Variants in DCLK2 observed in about 807,000 individuals in gnomAD.
DCLK2 encodes doublecortin like kinase 2, also known as serine/threonine-protein kinase DCLK2.
A neutral mutation model predicts 78.4 loss-of-function variants in DCLK2; 31 were observed. The observed-to-expected ratio is 0.40, with a 90% CI of 0.30 to 0.53. DCLK2 has a LOEUF of 0.53. Among genes scored for constraint, DCLK2 ranks in the 20% least tolerant of loss-of-function variants. DCLK2 has a pLI of 0.61. For synonymous variants in DCLK2, 407 were observed against 374.9 expected, an observed-to-expected ratio of 1.09 and a Z score of -0.99; for missense variants, 872 against 973.7, an observed-to-expected ratio of 0.90 and a Z score of 1.39.
At chr4:150,132,450 C>T (rs1382703341) in intron 2 of DCLK2, among the ~76,000 whole-genome samples, 1 of 152,228 alleles carries the variant, frequency 6.6e-6, no homozygotes, top group Non-Finnish European at 1.5e-5. Flanking sequence ...GATTAGAGAG[C>T]TTTCAATGCC....
At chr4:150,110,916 T>C (rs755262746) in intron 2 of DCLK2, among the ~76,000 whole-genome samples, 3 of 152,214 alleles carry the variant, frequency 2.0e-5, no homozygotes, top group Non-Finnish European at 2.9e-5. Flanking sequence ...TCCATGTCTT[T>C]GCAATTGTGA....
At chr4:150,144,570 T>G (rs181754297) in intron 2 of DCLK2, among the ~76,000 whole-genome samples, 29 of 152,274 alleles carry the variant, frequency 1.9e-4, no homozygotes, top group African/African-American at 6.3e-4. Context: ...GGGGGGTTTT[T>G]GGGCTCCATA....
intron 3 of DCLK2, among the ~76,000 whole-genome samples, chr4:150,197,153 C>CA (rs56913717): frequency 6.9e-4 from 88 of 126,622 alleles, no homozygotes; most frequent in African/African-American, 1.4e-3. Context: ...GACTCCGTCT[C>CA]AAAAAAAAAA....
At chr4:150,253,431 A>T in intron 15 of DCLK2, 1 of 1,289,712 alleles carries the variant, frequency 7.8e-7, no homozygotes, top group Non-Finnish European at 1.0e-6. Flanking sequence ...TAAAGGTGAA[A>T]AAAAAGTAAA....
chr4:150,243,673 C>A (rs1218174789), intron 12 of DCLK2, among the ~76,000 whole-genome samples: 1 of 151,940 alleles, frequency 6.6e-6, no homozygotes, highest in Admixed American at 6.6e-5. Context: ...TTCTTTCTTC[C>A]TTCAGGCTTT....
chr4:150,078,962 G>A lies in DCLK2; in HGVS notation c.-66G>A. 1.4e-6 allele frequency: 2 copies of A among 1,466,480 alleles called. No homozygotes were observed. The highest frequency in any genetic ancestry group is 2.9e-5 in the South Asian group (2 of 68,810). The allele number at this position is 1,466,480 out of a possible 1,614,324, so 90.8% of individuals were successfully genotyped here. A position where few individuals can be genotyped will look rare whatever the true frequency, so the allele number is the denominator to read the frequency against. On this transcript the variant is annotated 5_prime_UTR_variant, in exon 1 of 16. Coordinates refer to ENST00000296550, the MANE Select transcript of DCLK2 (RefSeq NM_001040260.4). ...AGGGCCCTCGCAGTCAGACGTCCCTGCACCGGCGCTCGCACCCTTAGTCGG... is the reference window on the plus strand; with the variant it reads ...AGGGCCCTCGCAGTCAGACGTCCCTACACCGGCGCTCGCACCCTTAGTCGG...
intron 8 of DCLK2, 145 bp downstream of exon 8, chr4:150,224,703 G>C (rs549202665): frequency 1.8e-6 from 1 of 553,098 alleles, no homozygotes; most frequent in African/African-American, 1.9e-5. Flanking sequence ...ACAGTTAAGC[G>C]GTTTTATTCC....
chr4:150,247,924 T>C (rs545598696), intron 13 of DCLK2, among the ~76,000 whole-genome samples: 3 of 152,388 alleles, frequency 2.0e-5, no homozygotes, highest in Non-Finnish European at 4.4e-5. Flanking sequence ...CTTGTGCTCC[T>C]CTAAGTTCTC....
At chr4:150,239,070 A>G (rs1027724618) in intron 10 of DCLK2, among the ~76,000 whole-genome samples, 1 of 152,202 alleles carries the variant, frequency 6.6e-6, no homozygotes, top group Non-Finnish European at 1.5e-5. Flanking sequence ...TAAATGCTAA[A>G]TAAAGGTCAG....
chr4:150,147,891 T>G (rs996119024), intron 2 of DCLK2, among the ~76,000 whole-genome samples: 8 of 152,010 alleles, frequency 5.3e-5, no homozygotes, highest in Non-Finnish European at 1.2e-4. Context: ...ATTGGCAAAG[T>G]ATTGAGAAAA....
intron 15 of DCLK2, 67 bp downstream of exon 15, chr4:150,249,751 C>T (rs896838256): frequency 1.4e-4 from 182 of 1,283,060 alleles, no homozygotes; most frequent in South Asian, 7.0e-4. Flanking sequence ...ATTAGGTAGC[C>T]GGGAGCTGCC....
chr4:150,195,652 CACTT>C (rs768891708), intron 3 of DCLK2, among the ~76,000 whole-genome samples: 3 of 149,340 alleles, frequency 2.0e-5, no homozygotes. Context: ...TTTGTTGAGC[CACTT>C]ACTTTGTATG....
At position 150,170,480 on chromosome 4, in the gene DCLK2, C is replaced by T. The variant is rs149249174; in HGVS notation, c.757-22658C>T. 3.7e-3 allele frequency among the ~76,000 whole-genome samples: 556 copies of T among 152,322 alleles called. 4 individuals are homozygous for T. Among genetic ancestry groups the T allele is most frequent in the African/African-American group, 0.012 (485 of 41,578 alleles). On this transcript the variant is annotated intron_variant, in intron 2 of 15. Coordinates refer to ENST00000296550, the MANE Select transcript of DCLK2 (RefSeq NM_001040260.4). ...ACAACTGTGAGGAAAATTGAGCTCACTCCAGTTCACAACAAGCTAAACATT... is the reference window on the plus strand; with the variant it reads ...ACAACTGTGAGGAAAATTGAGCTCATTCCAGTTCACAACAAGCTAAACATT...
Position 150,256,196 on chromosome 4 carries a change from C to G in DCLK2, c.2250C>G (p.Pro750=). Residue 750 remains proline (P), a synonymous_variant, in exon 16 of 16, where the codon CCC becomes CCG. Transcript: ENST00000296550. ...AATCTCCCACCCCCCACCCTCCTCCCGCTGCCCCGGGTGGTGAGCGGGCAG... is the reference window on the plus strand; with the variant it reads ...AATCTCCCACCCCCCACCCTCCTCCGGCTGCCCCGGGTGGTGAGCGGGCAG... ...PPESPTPHPP[P]AAPGGERAGT... is the part of the protein sequence containing the mutation. The G allele has an allele frequency of 6.5e-7, 1 of 1,548,636 alleles. No individual in the cohort carries two copies. The highest frequency in any genetic ancestry group is 8.7e-7 in the Non-Finnish European group (1 of 1,147,620).
At chr4:150,170,140 A>G (rs1414174529) in intron 2 of DCLK2, among the ~76,000 whole-genome samples, 3 of 152,220 alleles carry the variant, frequency 2.0e-5, no homozygotes, top group East Asian at 1.9e-4. Flanking sequence ...TGCAACTTCT[A>G]CCACCTGGGT....
Position 150,240,473 on chromosome 4 carries a change from G to A in DCLK2, c.1775G>A (p.Arg592Gln), listed in dbSNP as rs911019486. 33 of 1,611,412 alleles carry A rather than the reference G, an allele frequency of 2.0e-5. No homozygotes were observed. In the East Asian group the frequency reaches 2.5e-4, roughly 12 times the overall value. The change falls in exon 12 of 16, where the codon CGA becomes CAA. Residue 592 changes from arginine (R) to glutamine (Q), a missense_variant. By Grantham distance (43) the Arg-to-Gln change is conservative. Around this residue, in one of 3 missense-constraint regions of DCLK2, gnomAD observed 86 missense variants for 150.3 expected, o/e 0.57. Transcript: ENST00000296550. The stretch of plus-strand genomic sequence containing the variant: ...CTTCTCTGTGGATTCCCACCATTCC[G>A]AAGGTAGGCGGCCTTTTGGGCGACG... The part of the protein sequence containing the change: ...YILLCGFPPF[R>Q]SENNLQEDLF...
intron 1 of DCLK2, among the ~76,000 whole-genome samples, chr4:150,097,104 G>A (rs1004457303): frequency 6.6e-6 from 1 of 152,084 alleles, no homozygotes; most frequent in African/African-American, 2.4e-5. Flanking sequence ...TGCGAAAAAT[G>A]GGCACAGATG....
At chr4:150,219,487 T>G (rs1231082960) in intron 5 of DCLK2, among the ~76,000 whole-genome samples, 1 of 151,972 alleles carries the variant, frequency 6.6e-6, no homozygotes, top group Non-Finnish European at 1.5e-5. Flanking sequence ...TCTCAAACTC[T>G]TCACCTCAGG....
intron 4 of DCLK2, among the ~76,000 whole-genome samples, chr4:150,199,568 G>A (rs749227780): frequency 6.6e-6 from 1 of 152,194 alleles, no homozygotes; most frequent in African/African-American, 2.4e-5. Context: ...ATACAGGGAA[G>A]CAACACTGCA....
Sources: allele counts gnomAD v4.1 joint callset (sites outside exome capture counted in the v4.1 genomes callset), GRCh38; gene constraint gnomAD v4.1.1; regional missense constraint gnomAD v4.1.1; transcripts MANE v1.5; gene names NCBI Gene and HGNC (gene_info 2026-07-23, HGNC 2026-07-21).